The following PPARGC1A variants were observed in gnomAD, a reference collection of about 807,000 sequenced individuals.
PPARGC1A encodes the protein PPARG coactivator 1 alpha.
PPARGC1A carries 25 observed loss-of-function variants against 88.7 expected under a neutral mutation model. The ratio of observed to expected loss-of-function variants is 0.28; its 90% CI spans 0.21 to 0.39. The LOEUF (loss-of-function observed/expected upper bound fraction) is 0.39. Among genes scored for constraint, PPARGC1A ranks in the 10% least tolerant of loss-of-function variants. PPARGC1A has a pLI of 1.00. For synonymous variants in PPARGC1A, 363 were observed against 355.6 expected (o/e 1.02, Z -0.24); for missense variants, 880 against 968.7 (o/e 0.91, Z 1.22).
chr4:23,929,232 A>G, the PPARGC1A span, among the ~76,000 whole-genome samples: 2 of 152,226 alleles, frequency 1.3e-5, no homozygotes, highest in Admixed American at 6.5e-5. Context: ...AGGTACATAG[A>G]ACACCAGTCT....
the PPARGC1A span, among the ~76,000 whole-genome samples, chr4:24,066,863 T>C: frequency 6.1e-4 from 79 of 128,514 alleles, no homozygotes; most frequent in South Asian, 8.2e-3. Flanking sequence ...TTTTTTTTTT[T>C]TTTTTTTTGC....
At chr4:24,456,049 C>T in the PPARGC1A span, among the ~76,000 whole-genome samples, 2 of 152,052 alleles carry the variant, frequency 1.3e-5, no homozygotes, top group Non-Finnish European at 2.9e-5. Context: ...CTGATTAATG[C>T]CATTAAAAGG....
chr4:23,864,930 C>A (rs181522337), intron 2 of PPARGC1A, among the ~76,000 whole-genome samples: 23 of 152,194 alleles, frequency 1.5e-4, no homozygotes, highest in African/African-American at 5.3e-4. Flanking sequence ...ACGCCTGTAA[C>A]CCTAGCACTT....
chr4:23,930,146 C>G, the PPARGC1A span, among the ~76,000 whole-genome samples: 1 of 152,056 alleles, frequency 6.6e-6, no homozygotes, highest in Non-Finnish European at 1.5e-5. Flanking sequence ...CTTTAAGTCC[C>G]CAAATCAGGT....
the PPARGC1A span, among the ~76,000 whole-genome samples, chr4:24,219,607 TC>T: frequency 1.3e-5 from 2 of 152,160 alleles, no homozygotes; most frequent in African/African-American, 4.8e-5. Context: ...TTACCTATCT[TC>T]ACTAAACACC....
At chr4:23,930,213 A>C in the PPARGC1A span, among the ~76,000 whole-genome samples, 1 of 152,202 alleles carries the variant, frequency 6.6e-6, no homozygotes, top group Non-Finnish European at 1.5e-5. Context: ...CCATGGCTTC[A>C]AGCAGGACAA....
chr4:24,044,056 C>A, the PPARGC1A span, among the ~76,000 whole-genome samples: 1 of 152,132 alleles, frequency 6.6e-6, no homozygotes, highest in Non-Finnish European at 1.5e-5. Context: ...TTTCACTTAA[C>A]AAAGAGCGTC....
At chr4:24,186,799 C>T in the PPARGC1A span, among the ~76,000 whole-genome samples, 102 of 151,242 alleles carry the variant, frequency 6.7e-4, no homozygotes, top group African/African-American at 2.4e-3. Context: ...GAGAGAACAG[C>T]TACTTGCCTG....
At chr4:24,404,422 A>G in the PPARGC1A span, among the ~76,000 whole-genome samples, 363 of 152,200 alleles carry the variant, frequency 2.4e-3, 7 homozygotes, top group East Asian at 0.044. Flanking sequence ...TAAAGTAAAA[A>G]TCTTTAGTGA....
chr4:24,135,751 C>T, the PPARGC1A span, among the ~76,000 whole-genome samples: 1 of 152,188 alleles, frequency 6.6e-6, no homozygotes, highest in Non-Finnish European at 1.5e-5. Flanking sequence ...GCTACTGCTC[C>T]AGCAAATTTA....
the PPARGC1A span, among the ~76,000 whole-genome samples, chr4:24,113,540 C>A: frequency 1.8e-4 from 27 of 152,316 alleles, no homozygotes; most frequent in African/African-American, 6.5e-4. Flanking sequence ...GATCCCTCTT[C>A]ATGCCCTAGT....
chr4:24,387,846 GAGAAAGAGAGAAAGAGAGAAAGGAAGAA>G, the PPARGC1A span, among the ~76,000 whole-genome samples: 1 of 121,668 alleles, frequency 8.2e-6, no homozygotes, highest in Non-Finnish European at 1.7e-5. Context: ...GAAAGAGAGA[GAGAAAGAGAGAAAGAGAGAAAGGAAGAA>G]AGAGAAAGAA....
chr4:24,200,463 A>AG, the PPARGC1A span, among the ~76,000 whole-genome samples: 1 of 151,938 alleles, frequency 6.6e-6, no homozygotes, highest in African/African-American at 2.4e-5. Context: ...GTGAGCTGAG[A>AG]TCGCACCACT....
chr4:24,288,722 A>G, the PPARGC1A span, among the ~76,000 whole-genome samples: 1 of 152,234 alleles, frequency 6.6e-6, no homozygotes, highest in Non-Finnish European at 1.5e-5. Flanking sequence ...GACATGCACC[A>G]ACAGGATAAG....
the PPARGC1A span, among the ~76,000 whole-genome samples, chr4:24,376,182 T>C: frequency 0.016 from 2,444 of 152,302 alleles, 61 homozygotes; most frequent in African/African-American, 0.056. Flanking sequence ...TGATGCATAG[T>C]TTCTAATGCA....
At chr4:24,100,847 T>C in the PPARGC1A span, among the ~76,000 whole-genome samples, 1 of 152,094 alleles carries the variant, frequency 6.6e-6, no homozygotes, top group African/African-American at 2.4e-5. Context: ...AACTGCAAAA[T>C]AAGAGCTGAA....
chr4:24,222,332 T>G, the PPARGC1A span, among the ~76,000 whole-genome samples: 3 of 152,196 alleles, frequency 2.0e-5, no homozygotes, highest in South Asian at 2.1e-4. Context: ...CCAGGATGCA[T>G]CTCTTGATAT....
At chr4:24,355,468 C>T in the PPARGC1A span, among the ~76,000 whole-genome samples, 9 of 152,038 alleles carry the variant, frequency 5.9e-5, no homozygotes, top group Non-Finnish European at 1.3e-4. Flanking sequence ...CAATTTATGC[C>T]CTCTCCCCTT....
chr4:24,051,214 C>CAAAAAAAAAAAAAAAAAAAA, the PPARGC1A span, among the ~76,000 whole-genome samples: 2 of 118,994 alleles, frequency 1.7e-5, no homozygotes, highest in Non-Finnish European at 1.8e-5. Context: ...AAAAAAAAAC[C>CAAAAAAAAAAAAAAAAAAAA]AAACCTAAAC....
Sources: allele counts gnomAD v4.1 joint callset (sites outside exome capture counted in the v4.1 genomes callset), GRCh38; gene constraint gnomAD v4.1.1; transcripts MANE v1.5; gene names NCBI Gene and HGNC (gene_info 2026-07-23, HGNC 2026-07-21).